Variants in MARVELD3 observed in about 807,000 individuals in gnomAD.
MARVELD3 encodes MARVEL domain containing 3.
In MARVELD3, 28 loss-of-function variants were observed where a neutral mutation model predicts 33.5. The ratio of observed to expected loss-of-function variants is 0.84; its 90% CI spans 0.62 to 1.15. The LOEUF (loss-of-function observed/expected upper bound fraction) is 1.15. Among genes scored for constraint, MARVELD3 ranks in the 50% most tolerant of loss-of-function variants. MARVELD3 has a pLI of 0.00. For synonymous variants in MARVELD3, 241 were observed against 230.4 expected, an observed-to-expected ratio of 1.05 and a Z score of -0.42; for missense variants, 582 against 547.6, an observed-to-expected ratio of 1.06 and a Z score of -0.63.
chr16:71,629,633 T>C, intron 2 of MARVELD3, 139 bp downstream of exon 2: 1 of 583,418 alleles, frequency 1.7e-6, no homozygotes, highest in Middle Eastern at 2.8e-4. Context: ...TGTGAGGTTC[T>C]TGTTTTCTTA....
intron 1 of MARVELD3, 96 bp from the exon 2 acceptor site, chr16:71,629,271 T>C: frequency 7.6e-7 from 1 of 1,319,136 alleles, no homozygotes; most frequent in Non-Finnish European, 1.0e-6. Context: ...TCTGTTCTGC[T>C]AATATTTGGG....
intron 1 of MARVELD3, among the ~76,000 whole-genome samples, chr16:71,628,021 G>C (rs2019475797): frequency 6.6e-6 from 1 of 152,218 alleles, no homozygotes; most frequent in African/African-American, 2.4e-5. Flanking sequence ...CTTGGAGGCT[G>C]AGTCCAGTCT....
intron 1 of MARVELD3, among the ~76,000 whole-genome samples, chr16:71,628,764 A>C (rs1427962191): frequency 1.3e-5 from 2 of 152,048 alleles, no homozygotes; most frequent in African/African-American, 4.8e-5. Flanking sequence ...TAAGAGAGAC[A>C]TGATGTTCTA....
chr16:71,630,078 G>T (rs2044517766), intron 2 of MARVELD3, among the ~76,000 whole-genome samples: 2 of 122,090 alleles, frequency 1.6e-5, no homozygotes, highest in East Asian at 3.6e-4. Context: ...CCCATCTCTA[G>T]TTTAAAAAAA....
In MARVELD3 at chr16:71,634,666, C is replaced by T; in HGVS notation, c.1069C>T (p.His357Tyr). The T allele has an allele frequency of 6.2e-7, 1 of 1,614,226 alleles. No homozygotes were observed. The highest frequency in any genetic ancestry group is 8.5e-7 in the Non-Finnish European group (1 of 1,180,046). The part of the protein sequence containing the change: ...KGYSGFGCSF[H>Y]GADIGAGIFA... ...CTACAGCGGTTTCGGCTGCAGTTTC[C>T]ACGGAGCAGATATAGGAGCTGGAAT... is the stretch of plus-strand genomic sequence containing the variant. Residue 357 changes from histidine to tyrosine, a missense_variant, in exon 3 of 3, where the codon CAC becomes TAC. Coordinates refer to ENST00000268485, the MANE Select transcript of MARVELD3 (RefSeq NM_052858.6).
chr16:71,640,590 CT>C, downstream of MARVELD3: 2 of 1,614,240 alleles, frequency 1.2e-6, no homozygotes, highest in Non-Finnish European at 1.7e-6. Context: ...CCGCTCGCCC[CT>C]GATATACGGT....
downstream of MARVELD3, chr16:71,640,644 G>A (rs575430305): frequency 6.8e-6 from 11 of 1,614,240 alleles, no homozygotes; most frequent in South Asian, 8.8e-5. Flanking sequence ...CACCATGGGT[G>A]TTTTACTCCA....
chr16:71,640,701 G>C, downstream of MARVELD3: 1 of 1,614,268 alleles, frequency 6.2e-7, no homozygotes, highest in Non-Finnish European at 8.5e-7. Flanking sequence ...GCTCCTCACG[G>C]AGGCCGCCTT....
Position 71,635,844 on chromosome 16 carries a change from C to A in MARVELD3, c.*1041C>A. The A allele has an allele frequency of 1.0e-6, 1 of 985,336 alleles. No individual in the cohort carries two copies. The highest frequency in any genetic ancestry group is 1.2e-6 in the Non-Finnish European group (1 of 829,926). 61.0% of individuals were successfully genotyped at this position (985,336 alleles called of 1,614,324 possible). A position where few individuals can be genotyped will look rare whatever the true frequency, so the allele number is the denominator to read the frequency against. ...AGGCGTGGGCTGAGGAAAGAGGAAT[C>A]AGATTAATTCTCTGGGTTGCAAAGA... On this transcript the variant is annotated 3_prime_UTR_variant, in exon 3 of 3. Coordinates refer to ENST00000268485, the MANE Select transcript of MARVELD3 (RefSeq NM_052858.6).
Position 71,635,025 on chromosome 16 carries a change from T to C in MARVELD3, c.*222T>C. ...GTGAGTGAGGGACCAATCAAAATTA[T>C]TTTTCAAAAAGCAAAAAAATGGCCG... is the stretch of plus-strand genomic sequence containing the variant. On this transcript the variant is annotated 3_prime_UTR_variant, in exon 3 of 3. Transcript: ENST00000268485. 1.6e-6 allele frequency: 2 copies of C among 1,248,312 alleles called. No homozygotes were observed. The highest frequency in any genetic ancestry group is 2.0e-6 in the Non-Finnish European group (2 of 992,748). The allele number at this position is 1,248,312 out of a possible 1,614,324, so 77.3% of individuals were successfully genotyped here. A position where few individuals can be genotyped will look rare whatever the true frequency, so the allele number is the denominator to read the frequency against.
rs187944342 is a variant in MARVELD3, at chr16:71,635,740, C to T, written c.*937C>T. 1.1e-4 allele frequency: 107 copies of T among 985,386 alleles called. No homozygotes were observed. In the African/African-American group the frequency reaches 1.7e-3, roughly 16 times the overall value. The allele number at this position is 985,386 out of a possible 1,614,324, so 61.0% of individuals were successfully genotyped here. On this transcript the variant is annotated 3_prime_UTR_variant, in exon 3 of 3. Transcript: ENST00000268485. Reference sequence around the variant, plus strand: ...GTTTTTCCACACTGAACTCTCCAGTCCTTCCACTTCCTTAATTCTGCAAAT... The same window carrying T: ...GTTTTTCCACACTGAACTCTCCAGTTCTTCCACTTCCTTAATTCTGCAAAT...
Position 71,626,631 on chromosome 16 carries a change from CT to C in MARVELD3, c.403del (p.Trp135GlyfsTer74). ...DAAAPPGPAP[W>X]EAPEPPQPQR... ...CAGCCGCGCCTCCTGGGCCCGCGCC[CT>C]GGGAAGCCCCGGAGCCGCCGCAGCC... On this transcript the variant is annotated frameshift_variant, in exon 1 of 3. Transcript: ENST00000268485. LOFTEE classifies it high-confidence loss of function. The surrounding 1 kb of genome is among the most constrained non-coding windows in gnomAD (Gnocchi z 5.3). The C allele has an allele frequency of 1.3e-6, 2 of 1,537,730 alleles. No individual in the cohort carries two copies. The highest frequency in any genetic ancestry group is 1.7e-6 in the Non-Finnish European group (2 of 1,144,836).
intron 1 of MARVELD3, among the ~76,000 whole-genome samples, chr16:71,627,925 G>C (rs1259509874): frequency 6.6e-6 from 1 of 152,198 alleles, no homozygotes; most frequent in Non-Finnish European, 1.5e-5. Flanking sequence ...GCTCCAACAG[G>C]AGACAGGTCC....
rs187895650 is a variant in MARVELD3, at chr16:71,631,232, C to T, written c.595+1738C>T. ...ACCTCACAGCCTGTAATTCTGTCAGCAGCTCCTGAGCTTCAGAGAAGTACA... is the reference window on the plus strand; with the variant it reads ...ACCTCACAGCCTGTAATTCTGTCAGTAGCTCCTGAGCTTCAGAGAAGTACA... On this transcript the variant is annotated intron_variant, in intron 2 of 2. Transcript: ENST00000268485. Among the ~76,000 whole-genome samples, 24 of 152,290 alleles carry T rather than the reference C, an allele frequency of 1.6e-4. 1 individual carries two copies. The highest frequency in any genetic ancestry group is 5.3e-4 in the African/African-American group (22 of 41,554).
Position 71,634,320 on chromosome 16 carries a change from A to AG in MARVELD3, c.727dup (p.Ala243GlyfsTer6). The AG allele has an allele frequency of 6.2e-7, 1 of 1,614,070 alleles. No homozygotes were observed. The highest frequency in any genetic ancestry group is 1.3e-5 in the African/African-American group (1 of 75,002). The stretch of plus-strand genomic sequence containing the variant: ...GGGGCATTTACTACTATCAGTTCGG[A>AG]GGGGCTTACAGTGGCTTTGATGGTG... On this transcript the variant is annotated frameshift_variant, in exon 3 of 3. Coordinates refer to ENST00000268485, the MANE Select transcript of MARVELD3 (RefSeq NM_052858.6). LOFTEE classifies it high-confidence loss of function.
chr16:71,636,685 G>GT (rs2044583208), downstream of MARVELD3, among the ~76,000 whole-genome samples: 1 of 152,100 alleles, frequency 6.6e-6, no homozygotes, highest in Admixed American at 6.6e-5. Context: ...CTGCCTCCCA[G>GT]GCTTAAGCTG....
rs200047069 is a variant in MARVELD3, at chr16:71,634,364, A to G, written c.767A>G (p.Gln256Arg). Residue 256 changes from glutamine to arginine, a missense_variant, in exon 3 of 3, where the codon CAG becomes CGG. Gln to Arg is a conservative substitution (Grantham distance 43). Coordinates refer to ENST00000268485, the MANE Select transcript of MARVELD3 (RefSeq NM_052858.6). ...GATGGTGCTGACGGGGAGAAGGCCCAGCAACTGGATGTCCAGTTCTACCAG... is the reference window on the plus strand; with the variant it reads ...GATGGTGCTGACGGGGAGAAGGCCCGGCAACTGGATGTCCAGTTCTACCAG... ...GFDGADGEKA[Q>R]QLDVQFYQLK... The G allele has an allele frequency of 6.2e-7, 1 of 1,614,220 alleles. No homozygotes were observed. Among genetic ancestry groups the G allele is most frequent in the African/African-American group, 1.3e-5 (1 of 75,060 alleles).
downstream of MARVELD3, chr16:71,640,246 G>A (rs1285462263): frequency 1.7e-5 from 15 of 906,966 alleles, no homozygotes; most frequent in Non-Finnish European, 2.3e-5. Flanking sequence ...CAGCCTGGAT[G>A]ACAGAGTGAC....
chr16:71,629,448 A>G lies in MARVELD3; in HGVS notation c.549A>G (p.Glu183=). The change falls in exon 2 of 3, where the codon GAA becomes GAG. Residue 183 remains glutamate, a synonymous_variant. Transcript: ENST00000268485. ...TGGAATATTACCAGTCAGAGGCGGA[A>G]GGACTCCTGGAATGCCACAAATGCA... ...EEVEYYQSEA[E]GLLECHKCKY... is the part of the protein sequence containing the mutation. The G allele has an allele frequency of 6.3e-7, 1 of 1,581,270 alleles. No homozygotes were observed. Among genetic ancestry groups the G allele is most frequent in the Non-Finnish European group, 8.6e-7 (1 of 1,167,218 alleles).
Sources: allele counts gnomAD v4.1 joint callset (sites outside exome capture counted in the v4.1 genomes callset), GRCh38; gene constraint gnomAD v4.1.1; non-coding constraint Gnocchi (gnomAD v3.1); transcripts MANE v1.5; gene names NCBI Gene and HGNC (gene_info 2026-07-23, HGNC 2026-07-21).